The following GABRA4 variants were observed in gnomAD, a reference collection of about 807,000 sequenced individuals.
GABRA4 encodes the protein gamma-aminobutyric acid type A receptor subunit alpha4.
In GABRA4, 12 loss-of-function variants were observed where a neutral mutation model predicts 49.7. The ratio of observed to expected loss-of-function variants is 0.24; its 90% CI spans 0.15 to 0.39. The LOEUF is 0.39. GABRA4 is among the 10% of genes least tolerant of loss of function. The probability of loss-of-function intolerance (pLI) is 1.00; values close to 1 mark genes in which losing one functional copy is unlikely to be tolerated. For synonymous variants in GABRA4, 288 were observed against 240.2 expected (o/e 1.20, Z -1.84); for missense variants, 506 against 686.0 (o/e 0.74, Z 2.93).
At chr4:46,972,060 A>G (rs1722964828) in intron 6 of GABRA4, among the ~76,000 whole-genome samples, 2 of 151,666 alleles carry the variant, frequency 1.3e-5, no homozygotes, top group African/African-American at 4.8e-5. Context: ...CAGAAACCTC[A>G]CATCCTACCA....
Position 46,964,998 on chromosome 4 carries a change from C to G in GABRA4, c.1106G>C (p.Arg369Thr). The G allele has an allele frequency of 6.2e-7, 1 of 1,610,550 alleles. No homozygotes were observed. The highest frequency in any genetic ancestry group is 1.1e-5 in the South Asian group (1 of 90,714). The stretch of plus-strand genomic sequence containing the variant: ...CAGAGGGGCTTCAGGATGCTTCTCT[C>G]TCTGCACTGGAGCAGCGGGAACTTC... ...PQEVPAAPVQ[R>T]EKHPEAPLQN... Residue 369 changes from arginine (R) to threonine (T), a missense_variant, in exon 8 of 9, where the codon AGA (arginine) becomes ACA (threonine). Physicochemically the swap from Arg to Thr is moderately conservative, Grantham distance 71 (BLOSUM62 -1). Transcript: ENST00000264318.
rs1435811757 is a variant in GABRA4, at chr4:46,924,391, T to C, written c.*3834A>G. ...TCACTCTAGTTTTGGCCCTGCTGTA[T>C]TCTACTGAAGCATTAGTTACATCCC... is the stretch of plus-strand genomic sequence containing the variant. On this transcript the variant is annotated 3_prime_UTR_variant, in exon 9 of 9. Transcript: ENST00000264318. The C allele has an allele frequency of 6.6e-6, 1 of 152,076 alleles. No individual in the cohort carries two copies. Among genetic ancestry groups the C allele is most frequent in the African/African-American group, 2.4e-5 (1 of 41,426 alleles). The allele number at this position is 152,076 out of a possible 1,614,324, so 9.4% of individuals were successfully genotyped here. A position where few individuals can be genotyped will look rare whatever the true frequency, so the allele number is the denominator to read the frequency against.
chr4:46,981,718 A>G (rs1424762383), intron 2 of GABRA4, among the ~76,000 whole-genome samples: 1 of 152,144 alleles, frequency 6.6e-6, no homozygotes, highest in Admixed American at 6.6e-5. Flanking sequence ...AAACTAAATG[A>G]CAGAATGCTA....
intron 8 of GABRA4, among the ~76,000 whole-genome samples, chr4:46,954,451 G>C (rs1722274836): frequency 6.6e-6 from 1 of 151,920 alleles, no homozygotes; most frequent in South Asian, 2.1e-4. Flanking sequence ...CAGCTACTCA[G>C]GAGGCTGAGG....
intron 8 of GABRA4, among the ~76,000 whole-genome samples, chr4:46,953,922 A>G (rs1257100576): frequency 6.6e-6 from 1 of 152,082 alleles, no homozygotes; most frequent in African/African-American, 2.4e-5. Flanking sequence ...GTGAACCTAC[A>G]CTTTGGATCT....
At chr4:46,934,633 G>A (rs1232398264) in intron 8 of GABRA4, among the ~76,000 whole-genome samples, 3 of 152,034 alleles carry the variant, frequency 2.0e-5, no homozygotes, top group Admixed American at 2.0e-4. Context: ...TTTTCCATTT[G>A]GGATTACCAG....
At chr4:46,968,184 T>C (rs1178789230) in intron 7 of GABRA4, among the ~76,000 whole-genome samples, 2 of 151,592 alleles carry the variant, frequency 1.3e-5, no homozygotes, top group African/African-American at 4.8e-5. Context: ...AATAGCTTGC[T>C]AATTTCCTCC....
chr4:46,928,800 C>G, intron 8 of GABRA4, 45 bp from the exon 9 acceptor site: 1 of 1,311,170 alleles, frequency 7.6e-7, no homozygotes, highest in Non-Finnish European at 1.1e-6. Flanking sequence ...TAACTTTATG[C>G]AGATTTGTAC....
chr4:46,978,042 T>C (rs145723748), intron 3 of GABRA4, among the ~76,000 whole-genome samples: 287 of 152,184 alleles, frequency 1.9e-3, no homozygotes, highest in South Asian at 3.7e-3. Context: ...ATAATATGTG[T>C]AAGAGATATT....
intron 8 of GABRA4, among the ~76,000 whole-genome samples, chr4:46,929,799 T>C (rs1182948175): frequency 1.3e-5 from 2 of 151,982 alleles, no homozygotes; most frequent in African/African-American, 2.4e-5. Context: ...TTTCCATAAC[T>C]TCTCCCCTTA....
At chr4:46,967,240 A>G (rs1338312363) in intron 7 of GABRA4, among the ~76,000 whole-genome samples, 2 of 151,668 alleles carry the variant, frequency 1.3e-5, no homozygotes, top group African/African-American at 4.8e-5. Context: ...AGTGCAGTAT[A>G]AATAATAATA....
At chr4:46,954,406 A>G (rs1722272629) in intron 8 of GABRA4, among the ~76,000 whole-genome samples, 1 of 151,578 alleles carries the variant, frequency 6.6e-6, no homozygotes, top group African/African-American at 2.4e-5. Context: ...AAATACAAAA[A>G]ATTAGTTGGG....
Position 46,919,883 on chromosome 4 carries a change from A to C in GABRA4, c.*8342T>G, listed in dbSNP as rs1027542091. The C allele has an allele frequency of 6.6e-6, 1 of 151,726 alleles. No individual in the cohort carries two copies. Among genetic ancestry groups the C allele is most frequent in the African/African-American group, 2.4e-5 (1 of 41,426 alleles). The allele number at this position is 151,726 out of a possible 1,614,324, so 9.4% of individuals were successfully genotyped here. A position where few individuals can be genotyped will look rare whatever the true frequency, so the allele number is the denominator to read the frequency against. ...TATTATCGCATAGATACACCTTTGC[A>C]TGAAAACCGGATTCTCATTCAATTT... On this transcript the variant is annotated 3_prime_UTR_variant, in exon 9 of 9. Coordinates refer to ENST00000264318, the MANE Select transcript of GABRA4 (RefSeq NM_000809.4).
intron 8 of GABRA4, among the ~76,000 whole-genome samples, chr4:46,950,610 C>T (rs1049541046): frequency 2.0e-5 from 3 of 151,670 alleles, no homozygotes; most frequent in African/African-American, 7.3e-5. Context: ...AAATCTCAGG[C>T]TCATTTCTTC....
rs1721047399 is a variant in GABRA4, at chr4:46,921,887, G to A, written c.*6338C>T. ...AGTAGGTAGCCATTTGCACTAATAG[G>A]AGAAAGGAAATTGACTGGCATATAT... On this transcript the variant is annotated 3_prime_UTR_variant, in exon 9 of 9. Coordinates refer to ENST00000264318, the MANE Select transcript of GABRA4 (RefSeq NM_000809.4). The A allele has an allele frequency of 6.6e-6, 1 of 152,050 alleles. No homozygotes were observed. Among genetic ancestry groups the A allele is most frequent in the African/African-American group, 2.4e-5 (1 of 41,402 alleles). 9.4% of individuals were successfully genotyped at this position (152,050 alleles called of 1,614,324 possible). A position where few individuals can be genotyped will look rare whatever the true frequency, so the allele number is the denominator to read the frequency against.
chr4:46,974,282 T>C lies in GABRA4; in HGVS notation c.671A>G (p.Tyr224Cys). The change falls in exon 6 of 9, where the codon TAT becomes TGT. Residue 224 changes from tyrosine to cysteine, a missense_variant. Around this residue, in one of 5 missense-constraint regions of GABRA4, gnomAD observed 195 missense variants for 326.0 expected, o/e 0.60. Coordinates refer to ENST00000264318, the MANE Select transcript of GABRA4 (RefSeq NM_000809.4). The stretch of plus-strand genomic sequence containing the variant: ...TGATACGGTTTGCCCAATCAAATCA[T>C]ATTGAACTAAGCTGGAAGACTCCTT... ...VPKESSSLVQ[Y>C]DLIGQTVSSE... 6.2e-7 allele frequency: 1 copy of C among 1,611,712 alleles called. No homozygotes were observed.
chr4:46,950,394 A>G (rs1722128853), intron 8 of GABRA4, among the ~76,000 whole-genome samples: 2 of 152,040 alleles, frequency 1.3e-5, no homozygotes, highest in African/African-American at 4.8e-5. Flanking sequence ...TTAAAAATGC[A>G]AATCACTATC....
chr4:46,962,737 A>G (rs1290913826), intron 8 of GABRA4, among the ~76,000 whole-genome samples: 1 of 151,956 alleles, frequency 6.6e-6, no homozygotes, highest in African/African-American at 2.4e-5. Context: ...TCAAAACAAC[A>G]TGGTACTGGC....
intron 6 of GABRA4, among the ~76,000 whole-genome samples, chr4:46,973,070 C>A (rs187189287): frequency 1.8e-4 from 28 of 151,762 alleles, no homozygotes; most frequent in Middle Eastern, 3.4e-3. Context: ...GTACTTAAAC[C>A]TTTCTCGTGT....
Sources: allele counts gnomAD v4.1 joint callset (sites outside exome capture counted in the v4.1 genomes callset), GRCh38; gene constraint gnomAD v4.1.1; regional missense constraint gnomAD v4.1.1; transcripts MANE v1.5; gene names NCBI Gene and HGNC (gene_info 2026-07-23, HGNC 2026-07-21).